Variants in VAV2 observed in about 807,000 individuals in gnomAD.
The protein encoded by VAV2 is vav guanine nucleotide exchange factor 2.
Under a neutral mutation model 132.5 loss-of-function variants are expected in VAV2, and 67 were observed. The observed-to-expected ratio is 0.51, with a 90% CI of 0.42 to 0.62. The LOEUF (loss-of-function observed/expected upper bound fraction) is 0.62, where lower values mean the gene tolerates loss of function less well. Among genes scored for constraint, VAV2 ranks in the 20% least tolerant of loss-of-function variants. The probability of loss-of-function intolerance (pLI) is 0.00; values close to 1 mark genes in which losing one functional copy is unlikely to be tolerated. For missense variants in VAV2, 938 were observed against 1,153.6 expected, an observed-to-expected ratio of 0.81 and a Z score of 2.71; for synonymous variants, 492 against 443.5, an observed-to-expected ratio of 1.11 and a Z score of -1.37.
chr9:133,949,923 T>A (rs1272164510), intron 1 of VAV2, among the ~76,000 whole-genome samples: 2 of 152,150 alleles, frequency 1.3e-5, no homozygotes, highest in African/African-American at 4.8e-5. Flanking sequence ...CACAGTCTGC[T>A]CCTGTGCAGC....
intron 3 of VAV2, among the ~76,000 whole-genome samples, chr9:133,859,086 G>A (rs370443384): frequency 2.6e-5 from 4 of 152,152 alleles, no homozygotes; most frequent in East Asian, 1.9e-4. Flanking sequence ...GGCCAGAGAC[G>A]TGGGGGACGG....
chr9:133,865,412 C>T (rs1315094729), intron 2 of VAV2, among the ~76,000 whole-genome samples: 1 of 152,150 alleles, frequency 6.6e-6, no homozygotes, highest in African/African-American at 2.4e-5. Flanking sequence ...TAACTTCATT[C>T]CTCTGTGCTG....
intron 12 of VAV2, among the ~76,000 whole-genome samples, chr9:133,792,359 A>ATGTG (rs141878473): frequency 5.9e-4 from 73 of 123,434 alleles, no homozygotes; most frequent in South Asian, 3.7e-3. Context: ...GGTGGGGTGC[A>ATGTG]TGTGTGTGTG....
chr9:133,786,736 G>A (rs747507197), intron 16 of VAV2, among the ~76,000 whole-genome samples: 34 of 152,304 alleles, frequency 2.2e-4, no homozygotes, highest in East Asian at 1.9e-4. Flanking sequence ...CACAGGCCTC[G>A]CCATCTCTCC....
chr9:133,903,184 C>T (rs1290540017), intron 2 of VAV2, among the ~76,000 whole-genome samples: 1 of 149,292 alleles, frequency 6.7e-6, no homozygotes, highest in Non-Finnish European at 1.5e-5. Flanking sequence ...CAGGAGAGTG[C>T]CCCGGGACAC....
At position 133,991,642 on chromosome 9, in the gene VAV2, G is replaced by A. The variant is rs1187737900; in HGVS notation, c.204+433C>T. Among the ~76,000 whole-genome samples, 3 of 151,214 alleles carry A rather than the reference G, an allele frequency of 2.0e-5. No homozygotes were observed. ...CAGCCGCGCCCCGGGCCGGCGCAGCGACCGCGCCCGCTCTTCCACCGGCGT... is the reference window on the plus strand; with the variant it reads ...CAGCCGCGCCCCGGGCCGGCGCAGCAACCGCGCCCGCTCTTCCACCGGCGT... On this transcript the variant is annotated intron_variant, in intron 1 of 29. Coordinates refer to ENST00000371850, the MANE Select transcript of VAV2 (RefSeq NM_001134398.2). This position sits in a 1 kb window ranked among gnomAD's most constrained non-coding sequence, Gnocchi z 4.8.
At chr9:133,819,072 T>C (rs1383963990) in intron 4 of VAV2, among the ~76,000 whole-genome samples, 1 of 151,986 alleles carries the variant, frequency 6.6e-6, no homozygotes, top group Non-Finnish European at 1.5e-5. Context: ...CTTTCTTTAA[T>C]CCATGACTAC....
Position 133,779,730 on chromosome 9 carries a change from C to A in VAV2, c.1762+188G>T, listed in dbSNP as rs572413587. On this transcript the variant is annotated intron_variant, in intron 21 of 29. Coordinates refer to ENST00000371850, the MANE Select transcript of VAV2 (RefSeq NM_001134398.2). ...TGGTGCTGCCTTATCAGAAACAGAG[C>A]CACCTCCCAAGGAGGTGCCATAGAG... Among the ~76,000 whole-genome samples, 14 of 152,258 alleles carry A rather than the reference C, an allele frequency of 9.2e-5. No homozygotes were observed. In the South Asian group the frequency reaches 2.9e-3, roughly 32 times the overall value.
chr9:133,872,244 G>A (rs1452931610), intron 2 of VAV2, among the ~76,000 whole-genome samples: 2 of 152,172 alleles, frequency 1.3e-5, no homozygotes, highest in African/African-American at 4.8e-5. Flanking sequence ...AGGGGCAGGG[G>A]CAGGGGCCAG....
chr9:133,964,647 G>C (rs1266995497), intron 1 of VAV2, among the ~76,000 whole-genome samples: 1 of 152,118 alleles, frequency 6.6e-6, no homozygotes, highest in African/African-American at 2.4e-5. Context: ...TTTATCCCAG[G>C]AATGCAAGGA....
chr9:133,841,228 G>A (rs1225660671), intron 3 of VAV2, among the ~76,000 whole-genome samples: 1 of 151,986 alleles, frequency 6.6e-6, no homozygotes, highest in Admixed American at 6.6e-5. Flanking sequence ...TGTTGGTGCT[G>A]ATCTAAGATT....
chr9:133,920,794 C>G (rs1177148926), intron 2 of VAV2, among the ~76,000 whole-genome samples: 1 of 152,138 alleles, frequency 6.6e-6, no homozygotes, highest in Non-Finnish European at 1.5e-5. Flanking sequence ...CCTGACGACA[C>G]GGGGCCGCAC....
At chr9:133,838,975 G>GATGGATGA (rs1836605296) in intron 3 of VAV2, among the ~76,000 whole-genome samples, 1 of 143,324 alleles carries the variant, frequency 7.0e-6, no homozygotes, top group African/African-American at 2.6e-5. Context: ...TGGGTGGATG[G>GATGGATGA]ATGGATGAAT....
At chr9:133,839,661 T>A (rs1184070768) in intron 3 of VAV2, among the ~76,000 whole-genome samples, 2 of 151,986 alleles carry the variant, frequency 1.3e-5, no homozygotes, top group Non-Finnish European at 2.9e-5. Context: ...ATGGTGGCCA[T>A]GCTGGTCTCA....
intron 4 of VAV2, among the ~76,000 whole-genome samples, chr9:133,831,047 G>A (rs931910162): frequency 6.6e-6 from 1 of 152,178 alleles, no homozygotes; most frequent in African/African-American, 2.4e-5. Context: ...CAAAGCCACA[G>A]GTTCCCCAGA....
chr9:133,878,516 A>G (rs1233498616), intron 2 of VAV2, among the ~76,000 whole-genome samples: 1 of 152,096 alleles, frequency 6.6e-6, no homozygotes, highest in Non-Finnish European at 1.5e-5. Flanking sequence ...GAGACAACAC[A>G]CTGCCCACGG....
intron 4 of VAV2, among the ~76,000 whole-genome samples, chr9:133,829,278 A>G (rs1836171911): frequency 6.6e-6 from 1 of 152,272 alleles, no homozygotes; most frequent in South Asian, 2.1e-4. Flanking sequence ...AATTTTTTCA[A>G]CCAGCTGCTC....
chr9:133,821,719 G>C (rs1835793938), intron 4 of VAV2, among the ~76,000 whole-genome samples: 1 of 152,224 alleles, frequency 6.6e-6, no homozygotes, highest in Non-Finnish European at 1.5e-5. Flanking sequence ...CAGCTGTGTT[G>C]CTTTTGTGGG....
At chr9:133,960,452 G>A (rs888618549) in intron 1 of VAV2, among the ~76,000 whole-genome samples, 4 of 152,200 alleles carry the variant, frequency 2.6e-5, no homozygotes, top group African/African-American at 9.6e-5. Context: ...CCTGAGTGCC[G>A]GCCACGGGAG....
Sources: gnomAD v4.1 joint callset for allele counts (sites outside exome capture counted in the v4.1 genomes callset) on GRCh38, gnomAD v4.1.1 for gene constraint, Gnocchi (gnomAD v3.1) non-coding constraint, MANE v1.5 for transcripts, NCBI Gene and HGNC (gene_info 2026-07-23, HGNC 2026-07-21) for gene names.